ADD2: variants seen among roughly 807,000 people sequenced by gnomAD.
ADD2 encodes the protein adducin 2.
In ADD2, 23 loss-of-function variants were observed where a neutral mutation model predicts 83.0. That is an observed-to-expected ratio of 0.28 (90% CI 0.20 to 0.39). ADD2 has a LOEUF of 0.39. Among genes scored for constraint, ADD2 ranks in the 10% least tolerant of loss-of-function variants. The probability of loss-of-function intolerance (pLI) is 1.00; values close to 1 mark genes in which losing one functional copy is unlikely to be tolerated. For synonymous variants in ADD2, 375 were observed against 375.4 expected, an observed-to-expected ratio of 1.00 and a Z score of 0.01; for missense variants, 758 against 944.9, an observed-to-expected ratio of 0.80 and a Z score of 2.59.
intron 7 of ADD2, 87 bp from the exon 8 acceptor site, chr2:70,691,016 A>AGTGAGGGGTGAGGG: frequency 1.4e-6 from 2 of 1,468,816 alleles, no homozygotes; most frequent in East Asian, 2.4e-5. Context: ...TCTGGGGGCC[A>AGTGAGGGGTGAGGG]GTGAGGGGTG....
Position 70,706,146 on chromosome 2 carries a change from T to C in ADD2, c.183+80A>G. The C allele has an allele frequency of 7.1e-7, 1 of 1,417,880 alleles. No homozygotes were observed. The highest frequency in any genetic ancestry group is 9.8e-7 in the Non-Finnish European group (1 of 1,023,876). 87.8% of individuals were successfully genotyped at this position (1,417,880 alleles called of 1,614,324 possible). On this transcript the variant is annotated intron_variant, in intron 3 of 15. Coordinates refer to ENST00000264436, the MANE Select transcript of ADD2 (RefSeq NM_001617.4). This position sits in a 1 kb window ranked among gnomAD's most constrained non-coding sequence, Gnocchi z 5.0. ...GACCCTGAGCAAGGGAAAGAGGAGT[T>C]ACTCATCTTTCGGGTGGGTACACGT... is the stretch of plus-strand genomic sequence containing the variant.
At chr2:70,669,974 T>C (rs1468472555) in intron 15 of ADD2, among the ~76,000 whole-genome samples, 1 of 152,186 alleles carries the variant, frequency 6.6e-6, no homozygotes, top group Non-Finnish European at 1.5e-5. Context: ...GTGCACCATC[T>C]TGGAAGTTCC....
At chr2:70,701,702 GTA>G (rs1366192310) in intron 4 of ADD2, among the ~76,000 whole-genome samples, 3 of 151,820 alleles carry the variant, frequency 2.0e-5, no homozygotes, top group Non-Finnish European at 4.4e-5. Flanking sequence ...ACACTTATAT[GTA>G]TATATATATC....
intron 1 of ADD2, among the ~76,000 whole-genome samples, chr2:70,722,606 T>C (rs868956130): frequency 4.6e-5 from 7 of 152,336 alleles, no homozygotes; most frequent in South Asian, 2.1e-4. Flanking sequence ...TTGTTGGCTG[T>C]CAATCCATGC....
chr2:70,719,343 C>T (rs1672620585), intron 1 of ADD2, among the ~76,000 whole-genome samples: 1 of 152,198 alleles, frequency 6.6e-6, no homozygotes, highest in Admixed American at 6.5e-5. Flanking sequence ...TCTCAAAAGG[C>T]CCAGGACAGG....
intron 4 of ADD2, among the ~76,000 whole-genome samples, chr2:70,703,319 T>A (rs1431791567): frequency 6.6e-6 from 1 of 152,026 alleles, no homozygotes; most frequent in African/African-American, 2.4e-5. Flanking sequence ...GTCAAACAAA[T>A]GCACATTAAA....
rs1553365485 is a variant in ADD2 at position 70,663,555 on chromosome 2, G to C, written c.2051C>G (p.Thr684Ser). 1 of 1,614,158 alleles carries C rather than the reference G, an allele frequency of 6.2e-7. No homozygotes were observed. Among genetic ancestry groups the C allele is most frequent in the East Asian group, 2.2e-5 (1 of 44,866 alleles). The change falls in exon 16 of 16, where the codon ACC becomes AGC. Residue 684 changes from threonine (T) to serine (S), a missense_variant. By Grantham distance (58) the Thr-to-Ser change is moderately conservative (BLOSUM62 1). This residue lies in a region of ADD2 where 165 missense variants were observed against 176.2 expected (regional missense o/e 0.94). Coordinates refer to ENST00000264436, the MANE Select transcript of ADD2 (RefSeq NM_001617.4). ...CATGGGGCCGCTGGTGACCGACTCGGTTTTGTCCTTAGAGGTATCAACATC... is the reference window on the plus strand; with the variant it reads ...CATGGGGCCGCTGGTGACCGACTCGCTTTTGTCCTTAGAGGTATCAACATC... ...DTDVDTSKDK[T>S]ESVTSGPMSP...
chr2:70,657,766 T>A lies in ADD2; in HGVS notation c.*5659A>T, dbSNP rs1256456662. On this transcript the variant is annotated 3_prime_UTR_variant, in exon 16 of 16. Coordinates refer to ENST00000264436, the MANE Select transcript of ADD2 (RefSeq NM_001617.4). Reference sequence around the variant, plus strand: ...ATTCTCCCACCACCCCCCAAACTCTTACGTTTTCTTTAAACTACCTAGAGA... The same window carrying A: ...ATTCTCCCACCACCCCCCAAACTCTAACGTTTTCTTTAAACTACCTAGAGA... 6.6e-6 allele frequency: 1 copy of A among 152,280 alleles called. No homozygotes were observed. The highest frequency in any genetic ancestry group is 1.5e-5 in the Non-Finnish European group (1 of 68,124). The allele number at this position is 152,280 out of a possible 1,614,324, so 9.4% of individuals were successfully genotyped here.
At chr2:70,740,937 T>C (rs1205022338) in intron 1 of ADD2, among the ~76,000 whole-genome samples, 1 of 152,224 alleles carries the variant, frequency 6.6e-6, no homozygotes, top group Non-Finnish European at 1.5e-5. Flanking sequence ...TGGCCTCAAG[T>C]GATCCACCTG....
At chr2:70,733,480 T>C (rs1289468031) in intron 1 of ADD2, among the ~76,000 whole-genome samples, 2 of 152,210 alleles carry the variant, frequency 1.3e-5, no homozygotes, top group African/African-American at 4.8e-5. Flanking sequence ...ATCAGACAAG[T>C]GCAGGTTTGA....
chr2:70,667,700 C>A (rs1234860629), intron 15 of ADD2, among the ~76,000 whole-genome samples: 2 of 151,126 alleles, frequency 1.3e-5, no homozygotes, highest in Non-Finnish European at 3.0e-5. Context: ...CTCACTGCAA[C>A]CTCTGCCTCC....
chr2:70,680,980 C>A (rs1361393263), intron 10 of ADD2, among the ~76,000 whole-genome samples: 1 of 152,112 alleles, frequency 6.6e-6, no homozygotes, highest in East Asian at 1.9e-4. Flanking sequence ...ATGACGATAG[C>A]CCTTCCCAAA....
intron 1 of ADD2, among the ~76,000 whole-genome samples, chr2:70,732,719 C>G (rs1574300977): frequency 6.6e-6 from 1 of 152,166 alleles, no homozygotes; most frequent in Non-Finnish European, 1.5e-5. Context: ...CAGCTAAAGT[C>G]TCCTCTGAAC....
intron 1 of ADD2, among the ~76,000 whole-genome samples, chr2:70,745,835 T>C (rs1225967910): frequency 5.9e-5 from 9 of 152,204 alleles, no homozygotes; most frequent in East Asian, 1.9e-4. Context: ...AGGAGATAAA[T>C]TGAGTCCAAC....
intron 1 of ADD2, among the ~76,000 whole-genome samples, chr2:70,766,582 T>A (rs1675395210): frequency 6.6e-6 from 1 of 152,212 alleles, no homozygotes; most frequent in Non-Finnish European, 1.5e-5. Context: ...AAACGGAACA[T>A]AATTTTCTAA....
intron 1 of ADD2, among the ~76,000 whole-genome samples, chr2:70,747,387 C>T (rs2104518468): frequency 6.6e-6 from 1 of 152,112 alleles, no homozygotes; most frequent in Admixed American, 6.5e-5. Context: ...AGTGCTCTCC[C>T]ATCATGCCAC....
At chr2:70,675,014 T>A (rs1670063246) in intron 13 of ADD2, 189 bp from the exon 14 acceptor site, 1 of 1,347,476 alleles carries the variant, frequency 7.4e-7, no homozygotes, top group Non-Finnish European at 9.5e-7. Context: ...ACCTTACCCC[T>A]AGATTTTGCA....
intron 1 of ADD2, among the ~76,000 whole-genome samples, chr2:70,747,827 T>A (rs912603443): frequency 6.6e-6 from 1 of 152,240 alleles, no homozygotes; most frequent in South Asian, 2.1e-4. Flanking sequence ...AGTGGAAATT[T>A]GAAAACAAAT....
In ADD2 at chr2:70,756,062, C is replaced by CA. The variant is rs1317088071; in HGVS notation, c.-154+11823dup. On this transcript the variant is annotated intron_variant, in intron 1 of 15. Coordinates refer to ENST00000264436, the MANE Select transcript of ADD2 (RefSeq NM_001617.4). ...CAACAAAAGTGAAACTTCATCTCAGCAAAAAAAAGAAAAAAAAAAAAAAAA... is the reference window on the plus strand; with the variant it reads ...CAACAAAAGTGAAACTTCATCTCAGCAAAAAAAAAGAAAAAAAAAAAAAAAA... Among the ~76,000 whole-genome samples, 66 of 68,956 alleles carry CA rather than the reference C, an allele frequency of 9.6e-4. 1 individual carries two copies. Among genetic ancestry groups the CA allele is most frequent in the Middle Eastern group, 0.01 (1 of 100 alleles). 45.2% of individuals were successfully genotyped at this position (68,956 alleles called of 152,430 possible).
Sources: gnomAD v4.1 joint callset for allele counts (sites outside exome capture counted in the v4.1 genomes callset) on GRCh38, gnomAD v4.1.1 for gene constraint, gnomAD v4.1.1 regional missense constraint, Gnocchi (gnomAD v3.1) non-coding constraint, MANE v1.5 for transcripts, NCBI Gene and HGNC (gene_info 2026-07-23, HGNC 2026-07-21) for gene names.